KCNIP1: variants seen among roughly 807,000 people sequenced by gnomAD.
The protein encoded by KCNIP1 is A-type potassium channel modulatory protein KCNIP1.
A neutral mutation model predicts 33.0 loss-of-function variants in KCNIP1; 18 were observed. The ratio of observed to expected loss-of-function variants is 0.55; its 90% CI spans 0.38 to 0.81. KCNIP1 has a LOEUF of 0.81. Among genes scored for constraint, KCNIP1 ranks in the 30% least tolerant of loss-of-function variants. KCNIP1 has a pLI of 0.00. For missense variants in KCNIP1, 238 were observed against 271.6 expected (o/e 0.88, Z 0.87); for synonymous variants, 93 against 98.3 (o/e 0.95, Z 0.32).
intron 1 of KCNIP1, among the ~76,000 whole-genome samples, chr5:170,399,010 A>G (rs1754829270): frequency 6.6e-6 from 1 of 152,220 alleles, no homozygotes; most frequent in Non-Finnish European, 1.5e-5. Flanking sequence ...CTACTTTGTT[A>G]CAGAGTAGGG....
At chr5:170,575,386 A>T (rs1757564779) in intron 1 of KCNIP1, among the ~76,000 whole-genome samples, 1 of 152,242 alleles carries the variant, frequency 6.6e-6, no homozygotes, top group South Asian at 2.1e-4. Context: ...GGTTTAAGAA[A>T]TACCAATTGT....
chr5:170,570,932 G>T (rs1218191595), intron 1 of KCNIP1, among the ~76,000 whole-genome samples: 1 of 152,230 alleles, frequency 6.6e-6, no homozygotes. Flanking sequence ...GGAGGTATGT[G>T]TCATTATCCT....
chr5:170,549,930 G>T (rs1465955267), intron 1 of KCNIP1, among the ~76,000 whole-genome samples: 1 of 152,174 alleles, frequency 6.6e-6, no homozygotes, highest in East Asian at 1.9e-4. Flanking sequence ...GAGAAAGTAA[G>T]ATTTATTCAA....
chr5:170,504,032 G>A lies in KCNIP1; in HGVS notation c.-541G>A. On this transcript the variant is annotated 5_prime_UTR_variant, in exon 1 of 8. Coordinates refer to ENST00000328939, the MANE Select transcript of KCNIP1 (RefSeq NM_014592.4). This position sits in a 1 kb window ranked among gnomAD's most constrained non-coding sequence, Gnocchi z 6.0. ...CCTCCGCCGCTCCGACTCTCGCCCC[G>A]AGCGCTGGCAGCAGGCAGCAGGCAG... 5 of 981,264 alleles carry A rather than the reference G, an allele frequency of 5.1e-6. No individual in the cohort carries two copies. 60.8% of individuals were successfully genotyped at this position (981,264 alleles called of 1,614,324 possible).
intron 1 of KCNIP1, among the ~76,000 whole-genome samples, chr5:170,419,029 C>T (rs1187465662): frequency 6.6e-6 from 1 of 152,210 alleles, no homozygotes; most frequent in African/African-American, 2.4e-5. Context: ...ATCCCATGAA[C>T]TTAGCAAAAA....
intron 1 of KCNIP1, among the ~76,000 whole-genome samples, chr5:170,651,505 G>A (rs1029884181): frequency 3.3e-5 from 5 of 152,060 alleles, no homozygotes; most frequent in East Asian, 1.9e-4. Context: ...GAACAACCCC[G>A]TCCTGTCCCC....
intron 2 of KCNIP1, 144 bp downstream of exon 2, chr5:170,719,026 G>A: frequency 1.8e-6 from 2 of 1,087,934 alleles, no homozygotes; most frequent in Non-Finnish European, 2.6e-6. Flanking sequence ...GCATGAGAGG[G>A]AGATCACCTG....
intron 1 of KCNIP1, among the ~76,000 whole-genome samples, chr5:170,655,524 A>T (rs972780302): frequency 2.0e-5 from 3 of 152,288 alleles, no homozygotes; most frequent in African/African-American, 7.2e-5. Flanking sequence ...GCCAATAGCA[A>T]TTTCTAGGCC....
At chr5:170,494,872 A>G (rs1757279296) in intron 1 of KCNIP1, among the ~76,000 whole-genome samples, 1 of 152,132 alleles carries the variant, frequency 6.6e-6, no homozygotes, top group Admixed American at 6.5e-5. Context: ...TCTACAGATC[A>G]CTCAAGCTTT....
At chr5:170,593,588 G>A (rs1758341157) in intron 1 of KCNIP1, among the ~76,000 whole-genome samples, 1 of 152,190 alleles carries the variant, frequency 6.6e-6, no homozygotes, top group African/African-American at 2.4e-5. Flanking sequence ...TGCTATAATT[G>A]TTCACATTCT....
intron 1 of KCNIP1, among the ~76,000 whole-genome samples, chr5:170,711,382 G>T (rs1763437806): frequency 6.6e-6 from 1 of 152,180 alleles, no homozygotes; most frequent in African/African-American, 2.4e-5. Flanking sequence ...AGACATTCCT[G>T]GCACACCAGA....
rs1251803006 is a variant in KCNIP1 at position 170,534,894 on chromosome 5, G to A, written c.61+30261G>A. Among the ~76,000 whole-genome samples, 16 of 152,046 alleles carry A rather than the reference G, an allele frequency of 1.1e-4. 1 individual carries two copies. In the South Asian group the frequency reaches 2.1e-3, roughly 20 times the overall value. ...ACTGCCTGGCCTAGAGTTGAGGCCC[G>A]GGAGACTTGCCTCCTGTGTGCAGCG... On this transcript the variant is annotated intron_variant, in intron 1 of 7. Transcript: ENST00000328939.
intron 1 of KCNIP1, among the ~76,000 whole-genome samples, chr5:170,627,380 C>T (rs1759872967): frequency 6.6e-6 from 1 of 152,256 alleles, no homozygotes; most frequent in African/African-American, 2.4e-5. Flanking sequence ...GCTTCCCTCA[C>T]CAGGACCAGC....
chr5:170,494,976 G>A (rs1008757510), intron 1 of KCNIP1, among the ~76,000 whole-genome samples: 1 of 152,214 alleles, frequency 6.6e-6, no homozygotes, highest in African/African-American at 2.4e-5. Flanking sequence ...GGCATTGTGA[G>A]GATCATTTTA....
At chr5:170,628,972 C>T (rs563082261) in intron 1 of KCNIP1, among the ~76,000 whole-genome samples, 1 of 152,206 alleles carries the variant, frequency 6.6e-6, no homozygotes, top group East Asian at 1.9e-4. Context: ...ACAAGCCCAC[C>T]CTGTGCCTCG....
intron 1 of KCNIP1, among the ~76,000 whole-genome samples, chr5:170,613,743 A>G (rs1196794147): frequency 6.6e-6 from 1 of 152,192 alleles, no homozygotes; most frequent in Non-Finnish European, 1.5e-5. Flanking sequence ...AAATAACTAA[A>G]TTTATAAAGA....
At chr5:170,367,396 A>AG (rs748279221) in intron 1 of KCNIP1, among the ~76,000 whole-genome samples, 2 of 129,120 alleles carry the variant, frequency 1.5e-5, no homozygotes, top group Non-Finnish European at 3.3e-5. Flanking sequence ...AAAGAAAGAA[A>AG]GAAAGAAAGA....
At chr5:170,388,995 C>G (rs767202094) in intron 1 of KCNIP1, among the ~76,000 whole-genome samples, 8 of 152,162 alleles carry the variant, frequency 5.3e-5, no homozygotes, top group Non-Finnish European at 2.9e-5. Context: ...TGGTGTTAAT[C>G]TCCAGGCTGC....
chr5:170,368,214 G>C (rs988268847), intron 1 of KCNIP1, among the ~76,000 whole-genome samples: 1 of 152,142 alleles, frequency 6.6e-6, no homozygotes, highest in Non-Finnish European at 1.5e-5. Context: ...ATTAGTTTAG[G>C]TTTTAGCTTG....
Sources: gnomAD v4.1 joint callset for allele counts (sites outside exome capture counted in the v4.1 genomes callset) on GRCh38, gnomAD v4.1.1 for gene constraint, Gnocchi (gnomAD v3.1) non-coding constraint, MANE v1.5 for transcripts, NCBI Gene and HGNC (gene_info 2026-07-23, HGNC 2026-07-21) for gene names.